The following METAP1 variants were observed in gnomAD, a reference collection of about 807,000 sequenced individuals.
The protein encoded by METAP1 is methionyl aminopeptidase 1, also known as methionine aminopeptidase 1.
Under a neutral mutation model 53.8 loss-of-function variants are expected in METAP1, and 28 were observed. The ratio of observed to expected loss-of-function variants is 0.52; its 90% CI spans 0.39 to 0.71. The LOEUF (loss-of-function observed/expected upper bound fraction) is 0.71. Ranked by LOEUF, METAP1 falls within the 30% of genes least tolerant of loss-of-function variation. The probability of loss-of-function intolerance (pLI) is 0.00; values close to 1 mark genes in which losing one functional copy is unlikely to be tolerated. For synonymous variants in METAP1, 181 were observed against 165.7 expected, an observed-to-expected ratio of 1.09 and a Z score of -0.71; for missense variants, 389 against 479.8, an observed-to-expected ratio of 0.81 and a Z score of 1.77.
chr4:99,023,684 G>A (rs1018103986), intron 1 of METAP1: 4 of 985,244 alleles, frequency 4.1e-6, no homozygotes, highest in Non-Finnish European at 4.8e-6. Context: ...TTTGAGAGAG[G>A]TTCAAGATGG....
At chr4:99,000,012 T>G (rs1722846230) in intron 1 of METAP1, among the ~76,000 whole-genome samples, 1 of 152,234 alleles carries the variant, frequency 6.6e-6, no homozygotes, top group Non-Finnish European at 1.5e-5. Context: ...TACTCATTTT[T>G]GTATTTTCCA....
rs368476812 is a variant in METAP1, at chr4:99,043,242, A to G, written c.517-7A>G. 1.9e-6 allele frequency: 3 copies of G among 1,552,490 alleles called. No homozygotes were observed. Among genetic ancestry groups the G allele is most frequent in the Middle Eastern group, 1.7e-4 (1 of 5,920 alleles). ...ATATATTCCAAATTATTTTTTCTGT[A>G]TTATAGGCATGTATTGCAAGAAATT... On this transcript the variant is annotated splice_polypyrimidine_tract_variant and splice_region_variant and intron_variant, in intron 6 of 10. Transcript: ENST00000296411.
At chr4:99,025,703 G>A (rs1724513625) in intron 1 of METAP1, among the ~76,000 whole-genome samples, 1 of 152,136 alleles carries the variant, frequency 6.6e-6, no homozygotes, top group South Asian at 2.1e-4. Flanking sequence ...TGAAAGACTG[G>A]TTCAGGCCAT....
intron 1 of METAP1, chr4:99,022,514 C>G (rs775580355): frequency 2.5e-5 from 16 of 633,292 alleles, no homozygotes; most frequent in Non-Finnish European, 4.0e-5. Flanking sequence ...CAGGAGCCAT[C>G]TGGGTGAGCA....
intron 1 of METAP1, among the ~76,000 whole-genome samples, chr4:99,006,981 A>G (rs1314755583): frequency 6.8e-6 from 1 of 146,840 alleles, no homozygotes; most frequent in Non-Finnish European, 1.5e-5. Flanking sequence ...TTTTTTTGAG[A>G]CGGTCTCATT....
chr4:99,045,907 A>G (rs541850764), intron 8 of METAP1, among the ~76,000 whole-genome samples: 1 of 152,318 alleles, frequency 6.6e-6, no homozygotes, highest in South Asian at 2.1e-4. Flanking sequence ...ACAGACATAG[A>G]TTTACCTCAT....
intron 1 of METAP1, among the ~76,000 whole-genome samples, chr4:99,011,755 A>G (rs1237984848): frequency 5.3e-5 from 8 of 152,070 alleles, no homozygotes; most frequent in Non-Finnish European, 1.2e-4. Context: ...ACCCTGACCA[A>G]CATGGAGAAA....
intron 8 of METAP1, among the ~76,000 whole-genome samples, chr4:99,048,482 C>T (rs1416383929): frequency 3.3e-5 from 5 of 152,170 alleles, no homozygotes; most frequent in African/African-American, 9.7e-5. Context: ...ATCCTCCTAG[C>T]ACAGCCTCCC....
At chr4:99,014,104 A>G (rs1723623555) in intron 1 of METAP1, among the ~76,000 whole-genome samples, 1 of 152,250 alleles carries the variant, frequency 6.6e-6, no homozygotes, top group African/African-American at 2.4e-5. Flanking sequence ...GTATGACACA[A>G]CATCCAATAA....
rs768252817 is a variant in METAP1 at position 99,062,028 on chromosome 4, G to A, written c.*711G>A. 2.6e-5 allele frequency: 4 copies of A among 152,190 alleles called. No homozygotes were observed. The highest frequency in any genetic ancestry group is 6.5e-5 in the Admixed American group (1 of 15,280). The allele number at this position is 152,190 out of a possible 1,614,324, so 9.4% of individuals were successfully genotyped here. Reference sequence around the variant, plus strand: ...TCAGGCTTTTAAAAATCTAGTTTATGGCAAAAATAGCCATTTTCCAAGTGG... The same window carrying A: ...TCAGGCTTTTAAAAATCTAGTTTATAGCAAAAATAGCCATTTTCCAAGTGG... On this transcript the variant is annotated 3_prime_UTR_variant, in exon 11 of 11. Coordinates refer to ENST00000296411, the MANE Select transcript of METAP1 (RefSeq NM_015143.3).
At chr4:99,028,996 C>T (rs1423387448) in intron 2 of METAP1, 78 bp downstream of exon 2, 3 of 938,584 alleles carry the variant, frequency 3.2e-6, no homozygotes, top group Non-Finnish European at 4.9e-6. Flanking sequence ...TCTTCTAGTT[C>T]TGAAAGTGTA....
rs1030521054 is a variant in METAP1 at position 99,022,521 on chromosome 4, A to C, written c.115-6346A>C. The C allele has an allele frequency of 1.4e-5, 9 of 634,676 alleles. No homozygotes were observed. In the African/African-American group the frequency reaches 1.6e-4, roughly 12 times the overall value. 39.3% of individuals were successfully genotyped at this position (634,676 alleles called of 1,614,324 possible). ...CAAATGTCCAGGAGCCATCTGGGTGAGCAAGATCCCCATCAACAGCAAGAA... is the reference window on the plus strand; with the variant it reads ...CAAATGTCCAGGAGCCATCTGGGTGCGCAAGATCCCCATCAACAGCAAGAA... On this transcript the variant is annotated intron_variant, in intron 1 of 10. Transcript: ENST00000296411.
chr4:99,022,640 TG>T, intron 1 of METAP1: 3 of 909,794 alleles, frequency 3.3e-6, no homozygotes, highest in Non-Finnish European at 5.2e-6. Flanking sequence ...TGTGCACACC[TG>T]GCGCTCAAAG....
chr4:99,022,187 C>T (rs777468141), intron 1 of METAP1: 1 of 354,938 alleles, frequency 2.8e-6, no homozygotes, highest in East Asian at 4.3e-5. Context: ...CACGTTTGGG[C>T]CCTCACCAGA....
At chr4:99,053,868 ATAT>A (rs150932596) in intron 9 of METAP1, among the ~76,000 whole-genome samples, 2,040 of 150,808 alleles carry the variant, frequency 0.014, 39 homozygotes, top group African/African-American at 0.047. Context: ...TTCAGCATTA[ATAT>A]TATTAATTAT....
chr4:99,032,437 G>T (rs1725111018), intron 2 of METAP1, among the ~76,000 whole-genome samples: 1 of 152,012 alleles, frequency 6.6e-6, no homozygotes, highest in African/African-American at 2.4e-5. Flanking sequence ...TTTCCATGTT[G>T]TCCAAGCTGG....
chr4:99,003,673 G>A (rs548940215), intron 1 of METAP1, among the ~76,000 whole-genome samples: 31 of 152,256 alleles, frequency 2.0e-4, no homozygotes, highest in Non-Finnish European at 2.5e-4. Flanking sequence ...ATATTGAGTA[G>A]AATAAAAATA....
At chr4:99,045,334 A>C (rs200971206) in intron 8 of METAP1, 24 bp downstream of exon 8, 2 of 1,611,912 alleles carry the variant, frequency 1.2e-6, no homozygotes, top group Non-Finnish European at 1.7e-6. Flanking sequence ...TTGAGCACCT[A>C]TTGGCAGTCC....
chr4:99,061,257 C>A lies in METAP1; in HGVS notation c.1101C>A (p.Gly367=). 6.2e-7 allele frequency: 1 copy of A among 1,613,970 alleles called. No homozygotes were observed. Among genetic ancestry groups the A allele is most frequent in the Non-Finnish European group, 8.5e-7 (1 of 1,179,866 alleles). ...FEHTLLVTDT[G]CEILTRRLDS... is the part of the protein sequence containing the mutation. ...ACACCCTCCTGGTCACAGACACTGG[C>A]TGTGAAATCCTAACCCGGCGACTTG... The change falls in exon 11 of 11, where the codon GGC becomes GGA. Residue 367 remains glycine, a synonymous_variant. Coordinates refer to ENST00000296411, the MANE Select transcript of METAP1 (RefSeq NM_015143.3).
Sources: allele counts gnomAD v4.1 joint callset (sites outside exome capture counted in the v4.1 genomes callset), GRCh38; gene constraint gnomAD v4.1.1; transcripts MANE v1.5; gene names NCBI Gene and HGNC (gene_info 2026-07-23, HGNC 2026-07-21).